Variants in IMMP2L observed in about 807,000 individuals in gnomAD.
The protein encoded by IMMP2L is inner mitochondrial membrane peptidase subunit 2.
IMMP2L carries 18 observed loss-of-function variants against 19.3 expected under a neutral mutation model. That is an observed-to-expected ratio of 0.93 (90% CI 0.64 to 1.38). The LOEUF is 1.38. Among genes scored for constraint, IMMP2L ranks in the 40% most tolerant of loss-of-function variants. The pLI is 0.00. For missense variants in IMMP2L, 233 were observed against 218.2 expected, an observed-to-expected ratio of 1.07 and a Z score of -0.43; for synonymous variants, 76 against 73.0, an observed-to-expected ratio of 1.04 and a Z score of -0.21.
At chr7:111,229,893 C>T (rs764265274) in intron 3 of IMMP2L, among the ~76,000 whole-genome samples, 1 of 151,886 alleles carries the variant, frequency 6.6e-6, no homozygotes, top group East Asian at 1.9e-4. Context: ...GTGTAAAGAA[C>T]GGAAGATTAT....
intron 3 of IMMP2L, among the ~76,000 whole-genome samples, chr7:111,009,327 A>G (rs1451096631): frequency 6.6e-6 from 1 of 152,132 alleles, no homozygotes; most frequent in Non-Finnish European, 1.5e-5. Flanking sequence ...TATATTAGTA[A>G]GCCAAATTAA....
chr7:111,555,894 A>G (rs969011590), intron 1 of IMMP2L, among the ~76,000 whole-genome samples: 27 of 151,452 alleles, frequency 1.8e-4, no homozygotes, highest in Non-Finnish European at 4.4e-5. Flanking sequence ...GGGAGAAAAG[A>G]GAACCCTTGT....
At chr7:111,339,880 C>A (rs951233632) in intron 3 of IMMP2L, among the ~76,000 whole-genome samples, 1 of 152,022 alleles carries the variant, frequency 6.6e-6, no homozygotes, top group South Asian at 2.1e-4. Flanking sequence ...AAAGCCATAT[C>A]AAATAAGGAT....
At chr7:111,550,926 T>C (rs1849394686) in intron 1 of IMMP2L, among the ~76,000 whole-genome samples, 1 of 152,104 alleles carries the variant, frequency 6.6e-6, no homozygotes. Context: ...AAGAGGGAAG[T>C]CAGCAGATAA....
chr7:110,769,778 A>G (rs1798917005), intron 5 of IMMP2L, among the ~76,000 whole-genome samples: 1 of 152,152 alleles, frequency 6.6e-6, no homozygotes, highest in Non-Finnish European at 1.5e-5. Context: ...AGTAAGATAG[A>G]CGTTATATGA....
At chr7:111,494,849 A>T (rs1843443414) in intron 2 of IMMP2L, among the ~76,000 whole-genome samples, 1 of 152,170 alleles carries the variant, frequency 6.6e-6, no homozygotes. Flanking sequence ...ATTTAAGAAA[A>T]ATTAAACATT....
intron 4 of IMMP2L, chr7:110,963,077 G>T: frequency 1.3e-6 from 2 of 1,504,566 alleles, no homozygotes; most frequent in Non-Finnish European, 1.8e-6. Flanking sequence ...ATCCTTTTCA[G>T]TTTTCTCCCA....
chr7:111,128,403 T>G (rs1801523344), intron 3 of IMMP2L, among the ~76,000 whole-genome samples: 1 of 152,210 alleles, frequency 6.6e-6, no homozygotes, highest in African/African-American at 2.4e-5. Context: ...ATACAAGGTT[T>G]TTTTCTTGGT....
chr7:111,237,252 G>A (rs1325992174), intron 3 of IMMP2L, among the ~76,000 whole-genome samples: 1 of 152,022 alleles, frequency 6.6e-6, no homozygotes, highest in Non-Finnish European at 1.5e-5. Flanking sequence ...TCAGTAAAAG[G>A]AAGAAGAAAA....
intron 5 of IMMP2L, among the ~76,000 whole-genome samples, chr7:110,859,274 AT>A (rs1470951096): frequency 6.6e-6 from 1 of 151,912 alleles, no homozygotes; most frequent in Non-Finnish European, 1.5e-5. Context: ...TTTCAGAAGT[AT>A]TTTTTCAGTC....
At chr7:111,526,918 A>G (rs183645010) in intron 1 of IMMP2L, among the ~76,000 whole-genome samples, 2 of 152,290 alleles carry the variant, frequency 1.3e-5, no homozygotes, top group Non-Finnish European at 2.9e-5. Context: ...ATGCATGATT[A>G]AAATGTAAAT....
intron 3 of IMMP2L, among the ~76,000 whole-genome samples, chr7:111,379,544 A>T (rs1303588689): frequency 6.6e-6 from 1 of 151,776 alleles, no homozygotes; most frequent in Non-Finnish European, 1.5e-5. Context: ...TGAGCCAAAG[A>T]ATAATCATAA....
At chr7:111,185,992 C>T (rs1808223765) in intron 3 of IMMP2L, among the ~76,000 whole-genome samples, 1 of 151,998 alleles carries the variant, frequency 6.6e-6, no homozygotes, top group Admixed American at 6.6e-5. Context: ...TGTTTATAGG[C>T]CCAGTGTTAT....
At chr7:110,814,259 A>C (rs1459692782) in intron 5 of IMMP2L, among the ~76,000 whole-genome samples, 1 of 151,920 alleles carries the variant, frequency 6.6e-6, no homozygotes, top group Non-Finnish European at 1.5e-5. Context: ...TTTATAAGCA[A>C]TTGCCATTTT....
intron 3 of IMMP2L, among the ~76,000 whole-genome samples, chr7:111,100,631 T>C (rs1720936652): frequency 6.6e-6 from 1 of 151,088 alleles, no homozygotes. Context: ...TACTTAAACA[T>C]TCTTATTAAT....
chr7:111,225,970 G>T (rs1813046607), intron 3 of IMMP2L, among the ~76,000 whole-genome samples: 1 of 152,018 alleles, frequency 6.6e-6, no homozygotes, highest in Non-Finnish European at 1.5e-5. Context: ...TGGCTGGTAG[G>T]GATGGAAGTA....
At chr7:111,179,721 G>A (rs773499489) in intron 3 of IMMP2L, among the ~76,000 whole-genome samples, 3 of 151,976 alleles carry the variant, frequency 2.0e-5, no homozygotes, top group South Asian at 2.1e-4. Flanking sequence ...AGTCCTACAC[G>A]GCATCTTCTT....
intron 5 of IMMP2L, among the ~76,000 whole-genome samples, chr7:110,730,370 C>T (rs574233745): frequency 1.3e-5 from 2 of 152,224 alleles, no homozygotes; most frequent in South Asian, 4.2e-4. Context: ...TTCCTGCCCT[C>T]GAACATCAGA....
intron 1 of IMMP2L, among the ~76,000 whole-genome samples, chr7:111,554,286 A>G (rs1344538469): frequency 6.6e-6 from 1 of 152,190 alleles, no homozygotes; most frequent in African/African-American, 2.4e-5. Flanking sequence ...AAATGCTGAT[A>G]CGTCTATATG....
Sources: gnomAD v4.1 joint callset for allele counts (sites outside exome capture counted in the v4.1 genomes callset) on GRCh38, gnomAD v4.1.1 for gene constraint, MANE v1.5 for transcripts, NCBI Gene and HGNC (gene_info 2026-07-23, HGNC 2026-07-21) for gene names.